CTNNA1: variants seen among roughly 807,000 people sequenced by gnomAD.
The protein encoded by CTNNA1 is catenin alpha 1, also known as catenin alpha-1.
In CTNNA1, 37 loss-of-function variants were observed where a neutral mutation model predicts 98.4. That is an observed-to-expected ratio of 0.38 (90% CI 0.29 to 0.49). The LOEUF (loss-of-function observed/expected upper bound fraction) is 0.49, where lower values mean the gene tolerates loss of function less well. Ranked by LOEUF, CTNNA1 falls within the 20% of genes least tolerant of loss-of-function variation. The pLI is 0.95. For missense variants in CTNNA1, 761 were observed against 1,147.2 expected (o/e 0.66, Z 4.86); for synonymous variants, 404 against 413.2 (o/e 0.98, Z 0.27).
At chr5:138,813,940 A>T (rs1242090070) in intron 5 of CTNNA1, among the ~76,000 whole-genome samples, 1 of 152,162 alleles carries the variant, frequency 6.6e-6, no homozygotes, top group Non-Finnish European at 1.5e-5. Flanking sequence ...AGTCTAATAT[A>T]TGACAGCTTC....
intron 12 of CTNNA1, 64 bp from the exon 13 acceptor site, chr5:138,925,191 AG>A: frequency 6.4e-7 from 1 of 1,561,110 alleles, no homozygotes; most frequent in Non-Finnish European, 8.7e-7. Context: ...TGAGTGATTC[AG>A]GGAGGGCCAG....
At chr5:138,860,716 GGC>G (rs1764193060) in intron 7 of CTNNA1, among the ~76,000 whole-genome samples, 1 of 151,882 alleles carries the variant, frequency 6.6e-6, no homozygotes, top group Non-Finnish European at 1.5e-5. Context: ...GGCTGGTCTG[GGC>G]ACCTGACCTC....
At chr5:138,870,817 G>A (rs1490589477) in intron 7 of CTNNA1, 1 of 152,094 alleles carries the variant, frequency 6.6e-6, no homozygotes, top group Non-Finnish European at 1.5e-5. Flanking sequence ...ATTTGTAATA[G>A]GGGCTTCTAA....
chr5:138,851,753 G>A (rs1465188170), intron 7 of CTNNA1, among the ~76,000 whole-genome samples: 1 of 142,464 alleles, frequency 7.0e-6, no homozygotes, highest in African/African-American at 2.6e-5. Context: ...GTATGACTTC[G>A]TCTCAAAATA....
At chr5:138,864,340 A>C (rs288010) in intron 7 of CTNNA1, among the ~76,000 whole-genome samples, 103,340 of 152,060 alleles carry the variant, frequency 0.68, 35,357 homozygotes, top group East Asian at 0.93. Flanking sequence ...CAATTGGGAA[A>C]GTTACAAATC....
At chr5:138,779,415 T>C (rs891678402) in intron 1 of CTNNA1, among the ~76,000 whole-genome samples, 15 of 152,228 alleles carry the variant, frequency 9.9e-5, no homozygotes, top group Admixed American at 8.5e-4. Context: ...ATTTGGCTGA[T>C]GGGAGCCCTT....
intron 13 of CTNNA1, among the ~76,000 whole-genome samples, chr5:138,926,282 G>A (rs1336854605): frequency 6.6e-6 from 1 of 152,288 alleles, no homozygotes; most frequent in Admixed American, 6.5e-5. Context: ...TCCTTTGTTA[G>A]CTTTGAGTCC....
Position 138,831,458 on chromosome 5 carries a change from T to G in CTNNA1, c.1062+3740T>G, listed in dbSNP as rs145135722. Among the ~76,000 whole-genome samples the G allele has an allele frequency of 3.0e-4, 45 of 152,344 alleles. No homozygotes were observed. The East Asian group carries it at 8.5e-3, about 29-fold the overall frequency. On this transcript the variant is annotated intron_variant, in intron 7 of 17. Transcript: ENST00000302763. The stretch of plus-strand genomic sequence containing the variant: ...CCCCACTGCCATTACCTTACTTCAG[T>G]GTCTCCTCACTTTCTCCATTTTCCA...
chr5:138,834,540 C>T (rs923364407), intron 7 of CTNNA1, among the ~76,000 whole-genome samples: 4 of 152,138 alleles, frequency 2.6e-5, no homozygotes, highest in South Asian at 4.1e-4. Context: ...AGTTTGAGCT[C>T]AGATCTGTCT....
chr5:138,893,766 GAC>G (rs899781038), intron 9 of CTNNA1, among the ~76,000 whole-genome samples: 1 of 152,014 alleles, frequency 6.6e-6, no homozygotes, highest in African/African-American at 2.4e-5. Context: ...TGGGATTACA[GAC>G]ACGTGCCACC....
At chr5:138,926,695 C>G (rs1334354895) in intron 13 of CTNNA1, among the ~76,000 whole-genome samples, 1 of 152,110 alleles carries the variant, frequency 6.6e-6, no homozygotes, top group Non-Finnish European at 1.5e-5. Flanking sequence ...TACCTTTCCC[C>G]AAGCCTATGA....
intron 7 of CTNNA1, among the ~76,000 whole-genome samples, chr5:138,842,099 A>G (rs1052262880): frequency 6.6e-6 from 1 of 152,178 alleles, no homozygotes; most frequent in Admixed American, 6.5e-5. Flanking sequence ...TAGAAAAATT[A>G]TACCGGCCGG....
chr5:138,884,835 A>G (rs1276577881), intron 7 of CTNNA1, among the ~76,000 whole-genome samples: 2 of 152,180 alleles, frequency 1.3e-5, no homozygotes, highest in Non-Finnish European at 2.9e-5. Context: ...ATGACCCTGA[A>G]TAAATCAGTT....
chr5:138,817,443 C>T (rs760924636), intron 5 of CTNNA1, among the ~76,000 whole-genome samples: 3 of 152,138 alleles, frequency 2.0e-5, no homozygotes, highest in Non-Finnish European at 4.4e-5. Context: ...CTTTTTGGAT[C>T]TGTATGTCCA....
At chr5:138,837,625 TG>T (rs1244469808) in intron 7 of CTNNA1, among the ~76,000 whole-genome samples, 1 of 149,830 alleles carries the variant, frequency 6.7e-6, no homozygotes. Flanking sequence ...TTTTTGGTTT[TG>T]TTTGTTTGTT....
At position 138,823,270 on chromosome 5, in the gene CTNNA1, C is replaced by T. The variant is rs538930832; in HGVS notation, c.589-1260C>T. Among the ~76,000 whole-genome samples the T allele has an allele frequency of 5.3e-5, 8 of 152,028 alleles. No individual in the cohort carries two copies. In the South Asian group the frequency reaches 1.2e-3, roughly 24 times the overall value. ...TGTATTTTTGGCATCACTTATTTGT[C>T]GCTTAGCATATCTACTCAGCCTACC... On this transcript the variant is annotated intron_variant, in intron 5 of 17. Transcript: ENST00000302763.
intron 9 of CTNNA1, among the ~76,000 whole-genome samples, chr5:138,893,386 T>C (rs1197843092): frequency 6.6e-6 from 1 of 152,070 alleles, no homozygotes; most frequent in African/African-American, 2.4e-5. Context: ...TCAGCGTGGA[T>C]GTGGGTGGGT....
chr5:138,843,709 T>C (rs918941031), intron 7 of CTNNA1, among the ~76,000 whole-genome samples: 1 of 152,058 alleles, frequency 6.6e-6, no homozygotes, highest in Non-Finnish European at 1.5e-5. Context: ...GCAAAGAGGG[T>C]GAGAATGGGT....
chr5:138,919,453 A>G (rs1353908955), intron 11 of CTNNA1, among the ~76,000 whole-genome samples: 2 of 152,230 alleles, frequency 1.3e-5, no homozygotes, highest in Non-Finnish European at 2.9e-5. Flanking sequence ...CTCATGCACC[A>G]TTCGTCAAAT....
Sources: allele counts gnomAD v4.1 joint callset (sites outside exome capture counted in the v4.1 genomes callset), GRCh38; gene constraint gnomAD v4.1.1; transcripts MANE v1.5; gene names NCBI Gene and HGNC (gene_info 2026-07-23, HGNC 2026-07-21).